AHCYL1: variants seen among roughly 807,000 people sequenced by gnomAD.
AHCYL1 encodes the protein adenosylhomocysteinase like 1.
In AHCYL1, 20 loss-of-function variants were observed where a neutral mutation model predicts 79.3. The ratio of observed to expected loss-of-function variants is 0.25; its 90% CI spans 0.18 to 0.37. The LOEUF (loss-of-function observed/expected upper bound fraction) is 0.37, where lower values mean the gene tolerates loss of function less well. Ranked by LOEUF, AHCYL1 falls within the 10% of genes least tolerant of loss-of-function variation. The pLI is 1.00. For missense variants in AHCYL1, 330 were observed against 673.6 expected (o/e 0.49, Z 5.65); for synonymous variants, 223 against 242.2 (o/e 0.92, Z 0.74).
chr1:109,985,284 G>A (rs1278110281), intron 1 of AHCYL1, 112 bp downstream of exon 1: 4 of 1,444,832 alleles, frequency 2.8e-6, no homozygotes, highest in African/African-American at 2.9e-5. Context: ...TGGGGACGGC[G>A]GAGGTGATGT....
chr1:109,990,248 C>G (rs948288186), intron 1 of AHCYL1, among the ~76,000 whole-genome samples: 1 of 152,162 alleles, frequency 6.6e-6, no homozygotes, highest in Non-Finnish European at 1.5e-5. Flanking sequence ...AAGTGACGTC[C>G]TTTTCTCATC....
Position 110,017,551 on chromosome 1 carries a change from C to A in AHCYL1, c.1020C>A (p.Thr340=), listed in dbSNP as rs777613724. Reference sequence around the variant, plus strand: ...CTCTTGGAGCAATTGTCTACATTACCGAAATCGACCCCATCTGTGCTCTGC... The same window carrying A: ...CTCTTGGAGCAATTGTCTACATTACAGAAATCGACCCCATCTGTGCTCTGC... The part of the protein sequence containing the change: ...LKALGAIVYI[T]EIDPICALQA... Residue 340 remains threonine (T), a synonymous_variant, in exon 10 of 17, where the codon ACC becomes ACA. Coordinates refer to ENST00000369799, the MANE Select transcript of AHCYL1 (RefSeq NM_006621.7). 8 of 1,614,080 alleles carry A rather than the reference C, an allele frequency of 5.0e-6. No homozygotes were observed. Among genetic ancestry groups the A allele is most frequent in the Admixed American group, 3.3e-5 (2 of 60,014 alleles).
intron 10 of AHCYL1, 137 bp downstream of exon 10, chr1:110,017,720 C>T (rs1651512527): frequency 9.4e-7 from 1 of 1,063,466 alleles, no homozygotes; most frequent in Non-Finnish European, 1.4e-6. Context: ...GTTCTTCTCA[C>T]TCTAACCCTA....
chr1:109,985,817 T>G (rs72687291), intron 1 of AHCYL1, among the ~76,000 whole-genome samples: 45 of 152,318 alleles, frequency 3.0e-4, no homozygotes, highest in Non-Finnish European at 4.4e-4. Flanking sequence ...TAGAGTCATG[T>G]GAATAGATCA....
At chr1:110,014,100 C>T (rs1188322173) in intron 5 of AHCYL1, among the ~76,000 whole-genome samples, 4 of 151,670 alleles carry the variant, frequency 2.6e-5, no homozygotes, top group Admixed American at 6.6e-5. Flanking sequence ...CACACCCAGC[C>T]GGACCTCTCA....
chr1:109,990,399 C>T (rs939452261), intron 1 of AHCYL1, among the ~76,000 whole-genome samples: 1 of 152,030 alleles, frequency 6.6e-6, no homozygotes, highest in Admixed American at 6.6e-5. Flanking sequence ...TGGTTTATAC[C>T]TGTTATCCTA....
At chr1:110,011,187 C>T (rs777007835) in intron 2 of AHCYL1, 27 bp from the exon 3 acceptor site, 5 of 1,611,302 alleles carry the variant, frequency 3.1e-6, no homozygotes, top group Admixed American at 1.7e-5. Context: ...GTTTTTCTAT[C>T]CTTGTTTTTT....
chr1:110,008,397 G>T (rs1041491521), intron 1 of AHCYL1, among the ~76,000 whole-genome samples: 1 of 152,126 alleles, frequency 6.6e-6, no homozygotes, highest in Admixed American at 6.5e-5. Context: ...TTACTATAGT[G>T]TATGTGGGTT....
intron 1 of AHCYL1, among the ~76,000 whole-genome samples, chr1:110,006,598 C>T (rs182690216): frequency 1.3e-5 from 2 of 152,206 alleles, no homozygotes; most frequent in African/African-American, 2.4e-5. Flanking sequence ...ATATTTTCAA[C>T]GTGAGGGTGA....
intron 1 of AHCYL1, among the ~76,000 whole-genome samples, chr1:109,997,209 C>G (rs1338284388): frequency 2.0e-5 from 3 of 152,214 alleles, no homozygotes. Context: ...ATAAGAATTT[C>G]CCTAATGTGC....
In AHCYL1 at chr1:110,017,551, C is replaced by T. The variant is rs777613724; in HGVS notation, c.1020C>T (p.Thr340=). Residue 340 remains threonine, a synonymous_variant, in exon 10 of 17, where the codon ACC becomes ACT. Coordinates refer to ENST00000369799, the MANE Select transcript of AHCYL1 (RefSeq NM_006621.7). ...LKALGAIVYI[T]EIDPICALQA... ...CTCTTGGAGCAATTGTCTACATTAC[C>T]GAAATCGACCCCATCTGTGCTCTGC... is the stretch of plus-strand genomic sequence containing the variant. 183 of 1,613,962 alleles carry T rather than the reference C, an allele frequency of 1.1e-4. No individual in the cohort carries two copies. The highest frequency in any genetic ancestry group is 1.5e-4 in the Non-Finnish European group (173 of 1,180,014).
rs528724569 is a variant in AHCYL1 at position 109,998,427 on chromosome 1, C to G, written c.121-10607C>G. The stretch of plus-strand genomic sequence containing the variant: ...CCTGAGCCCAGGAGTTTGAGGTCAG[C>G]CTGGGCAACACAAGGAGACCCTGTC... On this transcript the variant is annotated intron_variant, in intron 1 of 16. Coordinates refer to ENST00000369799, the MANE Select transcript of AHCYL1 (RefSeq NM_006621.7). Among the ~76,000 whole-genome samples, 87 of 151,998 alleles carry G rather than the reference C, an allele frequency of 5.7e-4. 1 individual carries two copies. Among genetic ancestry groups the G allele is most frequent in the African/African-American group, 2.1e-3 (87 of 41,478 alleles).
chr1:110,001,058 G>A, intron 1 of AHCYL1: 1 of 639,244 alleles, frequency 1.6e-6, no homozygotes, highest in Non-Finnish European at 1.9e-6. Flanking sequence ...CTATCAGGTG[G>A]TGTTACCAGT....
chr1:110,008,651 T>C (rs565296151), intron 1 of AHCYL1, among the ~76,000 whole-genome samples: 1 of 152,292 alleles, frequency 6.6e-6, no homozygotes, highest in Non-Finnish European at 1.5e-5. Context: ...AAAACCCCAG[T>C]AGCACTATGA....
chr1:109,995,307 A>T (rs954094031), intron 1 of AHCYL1, among the ~76,000 whole-genome samples: 1 of 152,196 alleles, frequency 6.6e-6, no homozygotes, highest in Non-Finnish European at 1.5e-5. Context: ...AATTCTGTAC[A>T]TTCTTTTCTT....
At chr1:110,017,386 A>T in intron 9 of AHCYL1, 109 bp from the exon 10 acceptor site, 1 of 965,986 alleles carries the variant, frequency 1.0e-6, no homozygotes, top group Non-Finnish European at 1.6e-6. Context: ...TGCTCACCAG[A>T]TGACAGGCTA....
intron 1 of AHCYL1, among the ~76,000 whole-genome samples, chr1:109,989,778 A>G (rs555121061): frequency 2.6e-5 from 4 of 152,346 alleles, no homozygotes; most frequent in African/African-American, 9.6e-5. Flanking sequence ...CCCTGATTAT[A>G]CTGGATACAT....
rs568327728 is a variant in AHCYL1, at chr1:109,988,085, G to C, written c.120+2913G>C. Among the ~76,000 whole-genome samples, 4 of 152,278 alleles carry C rather than the reference G, an allele frequency of 2.6e-5. No homozygotes were observed. In the East Asian group the frequency reaches 7.7e-4, roughly 29 times the overall value. On this transcript the variant is annotated intron_variant, in intron 1 of 16. Transcript: ENST00000369799. ...GAAAAAAATATTGTTAACCTCGAGG[G>C]CTAAGATAGTTGATGAGGTTGATCA... is the stretch of plus-strand genomic sequence containing the variant.
In AHCYL1 at chr1:109,985,083, G is replaced by A; in HGVS notation, c.31G>A (p.Gly11Arg). MSMPDAMPLP[G>R]VGEELKQAKE... ...GATGCCTGACGCGATGCCGCTGCCC[G>A]GGGTCGGGGAGGAGCTGAAGCAGGC... is the stretch of plus-strand genomic sequence containing the variant. Residue 11 changes from glycine to arginine, a missense_variant, in exon 1 of 17, where the codon GGG becomes AGG. By Grantham distance (125) the Gly-to-Arg change is moderately radical (BLOSUM62 -2). Around this residue, in one of 6 missense-constraint regions of AHCYL1, gnomAD observed 66 missense variants for 68.0 expected, o/e 0.97. Coordinates refer to ENST00000369799, the MANE Select transcript of AHCYL1 (RefSeq NM_006621.7). 6.2e-7 allele frequency: 1 copy of A among 1,607,012 alleles called. No homozygotes were observed. Among genetic ancestry groups the A allele is most frequent in the Non-Finnish European group, 8.5e-7 (1 of 1,177,350 alleles).
Sources: allele counts gnomAD v4.1 joint callset (sites outside exome capture counted in the v4.1 genomes callset), GRCh38; gene constraint gnomAD v4.1.1; regional missense constraint gnomAD v4.1.1; transcripts MANE v1.5; gene names NCBI Gene and HGNC (gene_info 2026-07-23, HGNC 2026-07-21).